Variants in ANXA4 observed in about 807,000 individuals in gnomAD.
ANXA4 encodes the protein annexin A4, also known as 35-beta calcimedin.
A neutral mutation model predicts 49.8 loss-of-function variants in ANXA4; 39 were observed. The observed-to-expected ratio is 0.78, with a 90% CI of 0.61 to 1.02. The LOEUF is 1.02. Ranked by LOEUF, ANXA4 falls within the 50% of genes least tolerant of loss-of-function variation. ANXA4 has a pLI of 0.00. For synonymous variants in ANXA4, 134 were observed against 152.5 expected (o/e 0.88, Z 0.89); for missense variants, 360 against 410.1 (o/e 0.88, Z 1.05).
intron 2 of ANXA4, among the ~76,000 whole-genome samples, chr2:69,705,793 CT>C (rs1678475325): frequency 6.6e-6 from 1 of 151,834 alleles, no homozygotes; most frequent in African/African-American, 2.4e-5. Flanking sequence ...TTAGCCAGGC[CT>C]GGTGCCGGGC....
At chr2:69,662,984 T>TCC (rs1354489292) in intron 2 of ANXA4, among the ~76,000 whole-genome samples, 5 of 140,936 alleles carry the variant, frequency 3.5e-5, no homozygotes, top group African/African-American at 1.0e-4. Flanking sequence ...GTCCTGGTTT[T>TCC]TCTTTTTCTT....
At chr2:69,647,611 G>A (rs1472009086) in intron 1 of ANXA4, among the ~76,000 whole-genome samples, 1 of 151,956 alleles carries the variant, frequency 6.6e-6, no homozygotes, top group Non-Finnish European at 1.5e-5. Flanking sequence ...GTTTCACCAT[G>A]TTGCCCAGGG....
At chr2:69,796,074 A>C (rs1169311371) in intron 3 of ANXA4, among the ~76,000 whole-genome samples, 1 of 152,170 alleles carries the variant, frequency 6.6e-6, no homozygotes, top group Non-Finnish European at 1.5e-5. Flanking sequence ...CAGGGGTCTG[A>C]GCCCTAGGAC....
chr2:69,820,039 G>A (rs921403847), intron 11 of ANXA4, among the ~76,000 whole-genome samples: 1 of 150,332 alleles, frequency 6.7e-6, no homozygotes, highest in African/African-American at 2.4e-5. Flanking sequence ...CTGCACTCCA[G>A]CCTAGGCAAC....
intron 6 of ANXA4, chr2:69,810,388 A>G: frequency 5.5e-6 from 3 of 547,674 alleles, no homozygotes; most frequent in East Asian, 6.2e-5. Flanking sequence ...CAAAACAAAA[A>G]CAGGAATATC....
At chr2:69,732,411 A>G (rs1371060675) in intron 3 of ANXA4, among the ~76,000 whole-genome samples, 3 of 152,194 alleles carry the variant, frequency 2.0e-5, no homozygotes, top group African/African-American at 7.2e-5. Context: ...TAGAAGTGAT[A>G]TAAACTGGGC....
At chr2:69,790,015 TC>T (rs1301053248) in intron 3 of ANXA4, among the ~76,000 whole-genome samples, 4 of 152,122 alleles carry the variant, frequency 2.6e-5, no homozygotes, top group Non-Finnish European at 5.9e-5. Flanking sequence ...CCAGGAGACT[TC>T]CCCCTCCCTT....
rs1391538325 is a variant in ANXA4 at position 69,826,620 on chromosome 2, A to C, written c.*1105A>C. The C allele has an allele frequency of 1.3e-5, 2 of 152,334 alleles. No homozygotes were observed. The highest frequency in any genetic ancestry group is 2.4e-5 in the African/African-American group (1 of 41,562). The allele number at this position is 152,334 out of a possible 1,614,324, so 9.4% of individuals were successfully genotyped here. ...GCCAACATGGAGAAACTGCATCTCT[A>C]CTAAAAATATAAAAATTAGCCGGGT... On this transcript the variant is annotated 3_prime_UTR_variant, in exon 13 of 13. Transcript: ENST00000394295.
At chr2:69,782,096 A>T (rs940551817) in intron 2 of ANXA4, among the ~76,000 whole-genome samples, 1 of 152,212 alleles carries the variant, frequency 6.6e-6, no homozygotes, top group African/African-American at 2.4e-5. Context: ...AGAGTTCTGT[A>T]AAGTTCAGCT....
intron 1 of ANXA4, among the ~76,000 whole-genome samples, chr2:69,758,899 G>A (rs1671162804): frequency 6.6e-6 from 1 of 152,140 alleles, no homozygotes. Context: ...TTGGGAGGCT[G>A]AGCCTCGCAG....
intron 1 of ANXA4, among the ~76,000 whole-genome samples, chr2:69,767,111 A>G (rs1043931285): frequency 1.3e-5 from 2 of 152,218 alleles, no homozygotes; most frequent in Non-Finnish European, 2.9e-5. Flanking sequence ...CCAAAAGCAT[A>G]AGCAACTGCC....
At chr2:69,811,979 T>C (rs192392769) in intron 7 of ANXA4, among the ~76,000 whole-genome samples, 222 of 152,284 alleles carry the variant, frequency 1.5e-3, no homozygotes, top group Non-Finnish European at 2.5e-3. Flanking sequence ...TTTTATCATT[T>C]GTTAGCATTC....
chr2:69,790,323 G>A (rs186072369), intron 3 of ANXA4, among the ~76,000 whole-genome samples: 23 of 152,176 alleles, frequency 1.5e-4, no homozygotes, highest in East Asian at 3.9e-4. Flanking sequence ...GGAGAGTGGC[G>A]TTGTGTGGGG....
chr2:69,723,927 C>G (rs1669889267), intron 3 of ANXA4, among the ~76,000 whole-genome samples: 1 of 152,188 alleles, frequency 6.6e-6, no homozygotes, highest in Non-Finnish European at 1.5e-5. Context: ...AAGAGGCTTT[C>G]AAAACCTAGG....
chr2:69,645,302 T>G (rs1217696590), intron 1 of ANXA4, among the ~76,000 whole-genome samples: 1 of 152,214 alleles, frequency 6.6e-6, no homozygotes, highest in African/African-American at 2.4e-5. Flanking sequence ...TGTTGTCACC[T>G]CAGTTCACGA....
chr2:69,785,034 C>A (rs532449601), intron 2 of ANXA4, among the ~76,000 whole-genome samples: 1 of 152,260 alleles, frequency 6.6e-6, no homozygotes, highest in Non-Finnish European at 1.5e-5. Context: ...TTCAACATGT[C>A]TTTTTTGAGG....
At chr2:69,738,883 T>C (rs1670308727), upstream of ANXA4, among the ~76,000 whole-genome samples, 1 of 152,206 alleles carries the variant, frequency 6.6e-6, no homozygotes, top group Non-Finnish European at 1.5e-5. Flanking sequence ...CCAGGTGGAA[T>C]AGAAGAATTG....
At chr2:69,676,682 C>G (rs1430159144) in intron 2 of ANXA4, among the ~76,000 whole-genome samples, 1 of 152,170 alleles carries the variant, frequency 6.6e-6, no homozygotes, top group Non-Finnish European at 1.5e-5. Context: ...ATCATGAGGT[C>G]AAGAGATTAA....
chr2:69,643,938 G>C (rs913387741), upstream of ANXA4: 102 of 1,118,970 alleles, frequency 9.1e-5, no homozygotes, highest in Non-Finnish European at 8.6e-5. Context: ...AGTGCAGACA[G>C]AGTTCTGGAA....
Sources: gnomAD v4.1 joint callset for allele counts (sites outside exome capture counted in the v4.1 genomes callset) on GRCh38, gnomAD v4.1.1 for gene constraint, MANE v1.5 for transcripts, NCBI Gene and HGNC (gene_info 2026-07-23, HGNC 2026-07-21) for gene names.